ARID3A: variants seen among roughly 807,000 people sequenced by gnomAD.
ARID3A encodes AT-rich interaction domain 3A.
ARID3A carries 11 observed loss-of-function variants against 52.7 expected under a neutral mutation model. The ratio of observed to expected loss-of-function variants is 0.21; its 90% CI spans 0.13 to 0.35. The LOEUF is 0.35. ARID3A is among the 10% of genes least tolerant of loss of function. ARID3A has a pLI of 1.00. For synonymous variants in ARID3A, 404 were observed against 359.4 expected, an observed-to-expected ratio of 1.12 and a Z score of -1.40; for missense variants, 721 against 838.5, an observed-to-expected ratio of 0.86 and a Z score of 1.73.
intron 3 of ARID3A, among the ~76,000 whole-genome samples, chr19:939,924 C>T (rs1328860596): frequency 6.6e-6 from 1 of 152,086 alleles, no homozygotes; most frequent in African/African-American, 2.4e-5. Context: ...GACCCCCAGA[C>T]TGGTGGGAGA....
chr19:946,060 G>A (rs1276757110), intron 3 of ARID3A, among the ~76,000 whole-genome samples: 2 of 152,088 alleles, frequency 1.3e-5, no homozygotes, highest in African/African-American at 4.8e-5. Flanking sequence ...TGAGGCTCGC[G>A]GAGGCAGGGG....
intron 3 of ARID3A, 62 bp downstream of exon 3, chr19:932,804 G>T (rs1157431254): frequency 6.5e-7 from 1 of 1,541,082 alleles, no homozygotes; most frequent in Non-Finnish European, 8.7e-7. Flanking sequence ...GGGGCCCTTT[G>T]AAGGCCCACG....
Position 974,866 on chromosome 19 carries a change from G to T in ARID3A, c.*2801G>T, listed in dbSNP as rs1469644428. 1.6e-5 allele frequency: 3 copies of T among 188,842 alleles called. No homozygotes were observed. Among genetic ancestry groups the T allele is most frequent in the Non-Finnish European group, 3.3e-5 (3 of 90,298 alleles). 11.7% of individuals were successfully genotyped at this position (188,842 alleles called of 1,614,324 possible). On this transcript the variant is annotated 3_prime_UTR_variant, in exon 9 of 9. Transcript: ENST00000263620. ...ACTCCGATGATTGTAGGGACAGGCG[G>T]GGTGGGTGGGGGGTGGGCGCGAGGC...
At chr19:967,131 C>T (rs951951807) in intron 7 of ARID3A, among the ~76,000 whole-genome samples, 5 of 152,002 alleles carry the variant, frequency 3.3e-5, no homozygotes, top group African/African-American at 1.2e-4. Flanking sequence ...TGGCAGCGCA[C>T]CCCTGTAGTC....
intron 3 of ARID3A, among the ~76,000 whole-genome samples, chr19:957,289 C>A (rs1176437819): frequency 6.6e-6 from 1 of 152,112 alleles, no homozygotes; most frequent in South Asian, 2.1e-4. Context: ...GCTCCAGGTG[C>A]GGGGAAGCCA....
intron 1 of ARID3A, among the ~76,000 whole-genome samples, chr19:927,527 T>G (rs1178187357): frequency 2.0e-5 from 3 of 149,278 alleles, no homozygotes; most frequent in African/African-American, 7.4e-5. Context: ...GTGGGGGGAG[T>G]GGCTTCCTTT....
At chr19:952,812 C>T (rs895090543) in intron 3 of ARID3A, among the ~76,000 whole-genome samples, 3 of 152,108 alleles carry the variant, frequency 2.0e-5, no homozygotes, top group Non-Finnish European at 2.9e-5. Flanking sequence ...TTCTTTACAG[C>T]CTGGGCCTCT....
chr19:949,865 G>T (rs548062297), intron 3 of ARID3A, among the ~76,000 whole-genome samples: 1 of 151,148 alleles, frequency 6.6e-6, no homozygotes, highest in Admixed American at 6.6e-5. Context: ...TAGTAGAGAC[G>T]GGGTTTCTCC....
intron 3 of ARID3A, among the ~76,000 whole-genome samples, chr19:955,735 C>T (rs1049742702): frequency 2.0e-5 from 3 of 152,098 alleles, no homozygotes; most frequent in African/African-American, 4.8e-5. Flanking sequence ...GGGTAGACCC[C>T]GTAATACCGG....
rs921792694 is a variant in ARID3A at position 972,163 on chromosome 19, G to T, written c.*98G>T. 1.7e-6 allele frequency: 2 copies of T among 1,182,308 alleles called. No homozygotes were observed. The highest frequency in any genetic ancestry group is 1.6e-5 in the African/African-American group (1 of 60,754). 73.2% of individuals were successfully genotyped at this position (1,182,308 alleles called of 1,614,324 possible). A position where few individuals can be genotyped will look rare whatever the true frequency, so the allele number is the denominator to read the frequency against. On this transcript the variant is annotated 3_prime_UTR_variant, in exon 9 of 9. Transcript: ENST00000263620. The stretch of plus-strand genomic sequence containing the variant: ...GGGGCCAGGATGGCGGAAGATACGG[G>T]TGGGGAGGGAAGATATCCAGAAAGG...
intron 4 of ARID3A, among the ~76,000 whole-genome samples, chr19:963,211 CAG>C (rs1347585365): frequency 6.6e-6 from 1 of 152,238 alleles, no homozygotes; most frequent in East Asian, 1.9e-4. Context: ...CCATCCCTAA[CAG>C]GGCGATGGGC....
chr19:928,554 C>T (rs1033191549), intron 1 of ARID3A: 2 of 152,186 alleles, frequency 1.3e-5, no homozygotes, highest in Non-Finnish European at 2.9e-5. Context: ...CAAATCCCAC[C>T]GCCATGTCTC....
chr19:948,241 A>G (rs574666548), intron 3 of ARID3A, among the ~76,000 whole-genome samples: 4 of 150,754 alleles, frequency 2.7e-5, no homozygotes, highest in Non-Finnish European at 5.9e-5. Context: ...AGCATACAAG[A>G]TAGTCCAGGA....
At chr19:940,925 TGG>T (rs2037536191) in intron 3 of ARID3A, among the ~76,000 whole-genome samples, 1 of 151,794 alleles carries the variant, frequency 6.6e-6, no homozygotes. Flanking sequence ...GAGGGGTGGG[TGG>T]GTGCCCGCCA....
chr19:949,009 G>A lies in ARID3A; in HGVS notation c.694-11083G>A, dbSNP rs538863134. On this transcript the variant is annotated intron_variant, in intron 3 of 8. Transcript: ENST00000263620. The stretch of plus-strand genomic sequence containing the variant: ...TGGGATTACAGGCATGAGCCACCGC[G>A]CGTGGCCATCCTGGAGTCTACAGCA... Among the ~76,000 whole-genome samples, 23 of 152,214 alleles carry A rather than the reference G, an allele frequency of 1.5e-4. No individual in the cohort carries two copies. The East Asian group carries it at 2.1e-3, about 14-fold the overall frequency.
Position 944,898 on chromosome 19 carries a change from C to A in ARID3A, c.693+12156C>A, listed in dbSNP as rs1474617744. Reference sequence around the variant, plus strand: ...CCTGGGTCCTGCGGTCGCTCTCTGTCTCCATCTCTTCTTTCTCCTCTCCCC... The same window carrying A: ...CCTGGGTCCTGCGGTCGCTCTCTGTATCCATCTCTTCTTTCTCCTCTCCCC... On this transcript the variant is annotated intron_variant, in intron 3 of 8. Coordinates refer to ENST00000263620, the MANE Select transcript of ARID3A (RefSeq NM_005224.3). The surrounding 1 kb of genome is among the most constrained non-coding windows in gnomAD (Gnocchi z 5.9). Among the ~76,000 whole-genome samples, 4 of 152,194 alleles carry A rather than the reference C, an allele frequency of 2.6e-5. No individual in the cohort carries two copies. The highest frequency in any genetic ancestry group is 9.6e-5 in the African/African-American group (4 of 41,454).
chr19:948,359 G>T (rs1458711484), intron 3 of ARID3A, among the ~76,000 whole-genome samples: 3 of 152,116 alleles, frequency 2.0e-5, no homozygotes, highest in Non-Finnish European at 4.4e-5. Flanking sequence ...CAGCTCTGCT[G>T]CCTCTGTCAG....
At position 959,549 on chromosome 19, in the gene ARID3A, G is replaced by A. The variant is rs760220449; in HGVS notation, c.694-543G>A. On this transcript the variant is annotated intron_variant, in intron 3 of 8. Transcript: ENST00000263620. This position sits in a 1 kb window ranked among gnomAD's most constrained non-coding sequence, Gnocchi z 5.0. ...GCCTCCCAAGGTGCTGGGATTACAG[G>A]TGTGAGCCGCCACCCTGAAGAGAAG... is the stretch of plus-strand genomic sequence containing the variant. 6.6e-6 allele frequency among the ~76,000 whole-genome samples: 1 copy of A among 152,182 alleles called. No individual in the cohort carries two copies. Among genetic ancestry groups the A allele is most frequent in the African/African-American group, 2.4e-5 (1 of 41,446 alleles).
Position 959,768 on chromosome 19 carries a change from G to A in ARID3A, c.694-324G>A, listed in dbSNP as rs567823963. 1.3e-5 allele frequency among the ~76,000 whole-genome samples: 2 copies of A among 152,210 alleles called. No homozygotes were observed. Among genetic ancestry groups the A allele is most frequent in the South Asian group, 2.1e-4 (1 of 4,826 alleles). The stretch of plus-strand genomic sequence containing the variant: ...TGGAGACGGAGGCAGAGACTGGAGC[G>A]CTGCGGCCACAAGCCAGGACGCACC... On this transcript the variant is annotated intron_variant, in intron 3 of 8. Transcript: ENST00000263620. This position sits in a 1 kb window ranked among gnomAD's most constrained non-coding sequence, Gnocchi z 5.0.
Sources: allele counts gnomAD v4.1 joint callset (sites outside exome capture counted in the v4.1 genomes callset), GRCh38; gene constraint gnomAD v4.1.1; non-coding constraint Gnocchi (gnomAD v3.1); transcripts MANE v1.5; gene names NCBI Gene and HGNC (gene_info 2026-07-23, HGNC 2026-07-21).